The following ZC4H2 variants were observed in gnomAD, a reference collection of about 807,000 sequenced individuals.
ZC4H2 encodes zinc finger C4H2-type containing.
For synonymous variants in ZC4H2, 84 were observed against 66.3 expected, an observed-to-expected ratio of 1.27 and a Z score of -1.30; for missense variants, 137 against 173.9, an observed-to-expected ratio of 0.79 and a Z score of 1.19.
At chrX:64,931,950 T>C (rs1013510750) in intron 1 of ZC4H2, among the ~76,000 whole-genome samples, 5 of 112,035 alleles carry the variant, frequency 4.5e-5, no homozygotes, top group African/African-American at 6.5e-5. Flanking sequence ...GTAAGTATAG[T>C]ATTGAAGTCC....
In ZC4H2 at chrX:64,997,166, C is replaced by T. The variant is rs149695176; in HGVS notation, c.-272+37463G>A. Among the ~76,000 whole-genome samples the T allele has an allele frequency of 1.1e-3, 125 of 111,809 alleles. 1 individual carries two copies. Among genetic ancestry groups the T allele is most frequent in the African/African-American group, 4.1e-3 (125 of 30,808 alleles). ...ATTAACAGCTGATTCTCATCAGAAA[C>T]CATGGAGGCCAAAAGGCAGTGGGAA... On this transcript the variant is annotated intron_variant, in intron 1 of 4. Coordinates refer to the ZC4H2 transcript ENST00000337990.
chrX:64,950,677 C>A (rs1930764684), intron 1 of ZC4H2, among the ~76,000 whole-genome samples: 1 of 110,760 alleles, frequency 9.0e-6, no homozygotes, highest in Admixed American at 9.6e-5. Flanking sequence ...CAATCCCCAC[C>A]TTTTTTGTTT....
chrX:65,034,426 A>G (rs1467120683), intron 1 of ZC4H2, among the ~76,000 whole-genome samples: 1 of 112,030 alleles, frequency 8.9e-6, no homozygotes, highest in East Asian at 2.8e-4. Context: ...GATGAATTGG[A>G]GGAGCCAAGA....
At chrX:64,918,128 A>G in intron 4 of ZC4H2, 1 of 326,111 alleles carries the variant, frequency 3.1e-6, no homozygotes, top group Non-Finnish European at 5.3e-6. Flanking sequence ...AAAGTAAGGC[A>G]AAATGAGAAC....
chrX:64,918,544 G>A (rs1317698720), intron 4 of ZC4H2: 1 of 113,839 alleles, frequency 8.8e-6, no homozygotes, highest in African/African-American at 3.2e-5. Flanking sequence ...AATGGCTTTT[G>A]CCCAGTAGAG....
rs1161641040 is a variant in ZC4H2 at position 64,930,551 on chromosome X, C to A, written c.54-8563G>T. 2.0e-4 allele frequency among the ~76,000 whole-genome samples: 22 copies of A among 111,434 alleles called. No homozygotes were observed. The Admixed American group carries it at 2.1e-3, about 11-fold the overall frequency. On this transcript the variant is annotated intron_variant, in intron 1 of 4. Transcript: ENST00000374839. ...ATCTTGAGGTATGTCTCTTCTATGC[C>A]AGTTTTTGTGAGTGTTTTTATAAAA...
chrX:64,975,910 A>G (rs1465908841), intron 1 of ZC4H2, among the ~76,000 whole-genome samples: 1 of 111,500 alleles, frequency 9.0e-6, no homozygotes, highest in East Asian at 2.8e-4. Context: ...CCGATGCGCT[A>G]GACTTGGCTC....
At chrX:65,012,677 T>G (rs112099908) in intron 1 of ZC4H2, among the ~76,000 whole-genome samples, 1 of 111,988 alleles carries the variant, frequency 8.9e-6, no homozygotes, top group Non-Finnish European at 1.9e-5. Context: ...TAGGCATGGT[T>G]TCAGCAGCAA....
intron 1 of ZC4H2, among the ~76,000 whole-genome samples, chrX:64,939,747 C>T (rs770657238): frequency 8.9e-6 from 1 of 111,746 alleles, no homozygotes; most frequent in South Asian, 3.7e-4. Flanking sequence ...AACTGAAACT[C>T]GACCCCTTAC....
At chrX:65,005,488 C>CCCTATTTAATAAATGATGTTGG (rs755953296) in intron 1 of ZC4H2, among the ~76,000 whole-genome samples, 1 of 105,234 alleles carries the variant, frequency 9.5e-6, no homozygotes. Context: ...GAAAAGGATT[C>CCCTATTTAATAAATGATGTTGG]GAAATCTGGC....
intron 1 of ZC4H2, among the ~76,000 whole-genome samples, chrX:64,950,507 A>G (rs1196692179): frequency 3.6e-5 from 4 of 111,073 alleles, no homozygotes; most frequent in Non-Finnish European, 7.5e-5. Flanking sequence ...GTCTCTAAGG[A>G]CTTGCTTTAT....
At chrX:64,979,957 T>C (rs1234584510), upstream of ZC4H2, among the ~76,000 whole-genome samples, 3 of 111,697 alleles carry the variant, frequency 2.7e-5, no homozygotes, top group Non-Finnish European at 5.6e-5. Flanking sequence ...TTTCAGGGAA[T>C]AGATCAAGAC....
At chrX:64,941,377 C>T (rs1488726213) in intron 1 of ZC4H2, among the ~76,000 whole-genome samples, 1 of 111,664 alleles carries the variant, frequency 9.0e-6, no homozygotes, top group African/African-American at 3.3e-5. Context: ...TATTTGAATA[C>T]CATTATTTCC....
At chrX:64,927,371 A>G (rs1171970609) in intron 1 of ZC4H2, among the ~76,000 whole-genome samples, 5 of 110,381 alleles carry the variant, frequency 4.5e-5, no homozygotes, top group Admixed American at 3.9e-4. Flanking sequence ...TATGAGTGAG[A>G]ACATGTAGTG....
rs979505729 is a variant in ZC4H2, at chrX:64,941,395, G to T, written c.54-19407C>A. 1.8e-5 allele frequency among the ~76,000 whole-genome samples: 2 copies of T among 111,564 alleles called. 1 individual carries two copies. The highest frequency in any genetic ancestry group is 1.9e-4 in the Admixed American group (2 of 10,432). On this transcript the variant is annotated intron_variant, in intron 1 of 4. Transcript: ENST00000374839. ...TTGAATACCATTATTTCCTTCTCTT[G>T]CCTGATTGCCCTGGCCAGAACTTCC...
intron 1 of ZC4H2, among the ~76,000 whole-genome samples, chrX:65,024,560 G>GA (rs921552751): frequency 2.7e-5 from 3 of 111,352 alleles, no homozygotes; most frequent in Admixed American, 9.5e-5. Context: ...ATCATTATAT[G>GA]AAAAAAACAA....
At chrX:64,995,505 A>G (rs1489128357) in intron 1 of ZC4H2, among the ~76,000 whole-genome samples, 1 of 112,004 alleles carries the variant, frequency 8.9e-6, no homozygotes, top group Non-Finnish European at 1.9e-5. Context: ...GACCACAGGC[A>G]TGTGCCACCA....
chrX:64,955,066 G>T lies in ZC4H2; in HGVS notation c.53+21259C>A, dbSNP rs750482214. On this transcript the variant is annotated intron_variant, in intron 1 of 4. Coordinates refer to ENST00000374839, the MANE Select transcript of ZC4H2 (RefSeq NM_018684.4). ...TTTGTTATTAAAGGTTCTGTATTCT[G>T]TGACTCATCATGGAAAAGACAAAAT... 9.9e-5 allele frequency among the ~76,000 whole-genome samples: 11 copies of T among 111,456 alleles called. No individual in the cohort carries two copies. The East Asian group carries it at 3.1e-3, about 32-fold the overall frequency.
At chrX:64,989,459 G>A (rs1324529210) in intron 1 of ZC4H2, among the ~76,000 whole-genome samples, 4 of 111,622 alleles carry the variant, frequency 3.6e-5, no homozygotes, top group African/African-American at 1.3e-4. Flanking sequence ...GGATTCCTAG[G>A]TATTTTATTC....
Sources: allele counts gnomAD v4.1 joint callset (sites outside exome capture counted in the v4.1 genomes callset), GRCh38; gene constraint gnomAD v4.1.1; transcripts MANE v1.5; gene names NCBI Gene and HGNC (gene_info 2026-07-23, HGNC 2026-07-21).